The following EFCAB7 variants were observed in gnomAD, a reference collection of about 807,000 sequenced individuals.
EFCAB7 encodes EF-hand calcium-binding domain-containing protein 7.
In EFCAB7, 66 loss-of-function variants were observed where a neutral mutation model predicts 77.1. That is an observed-to-expected ratio of 0.86 (90% confidence interval 0.70 to 1.05). The LOEUF is 1.05. Ranked by LOEUF, EFCAB7 falls within the 50% of genes least tolerant of loss-of-function variation. EFCAB7 has a pLI of 0.00. For missense variants in EFCAB7, 638 were observed against 730.5 expected, an observed-to-expected ratio of 0.87 and a Z score of 1.46; for synonymous variants, 225 against 243.3, an observed-to-expected ratio of 0.92 and a Z score of 0.70.
At chr1:63,540,385 A>T (rs1646814104) in intron 6 of EFCAB7, among the ~76,000 whole-genome samples, 1 of 151,224 alleles carries the variant, frequency 6.6e-6, no homozygotes, top group African/African-American at 2.4e-5. Context: ...AAAAAAAAAA[A>T]AGTTGAACTT....
At chr1:63,572,385 T>A in intron 13 of EFCAB7, 57 bp from the exon 14 acceptor site, 1 of 1,423,776 alleles carries the variant, frequency 7.0e-7, no homozygotes, top group Non-Finnish European at 9.6e-7. Context: ...GTTTAAAAAT[T>A]AGCCAAAAGT....
chr1:63,577,436 C>A (rs190060036), downstream of EFCAB7, among the ~76,000 whole-genome samples: 107 of 152,122 alleles, frequency 7.0e-4, no homozygotes, highest in Admixed American at 5.3e-3. Flanking sequence ...AAAATGAAAT[C>A]GTTCCAGAAT....
At chr1:63,545,490 G>A (rs35958304) in intron 6 of EFCAB7, among the ~76,000 whole-genome samples, 21,140 of 151,990 alleles carry the variant, frequency 0.14, 1,578 homozygotes, top group Middle Eastern at 0.25. Flanking sequence ...TTTTTGAGAC[G>A]GAGTTTCCCT....
intron 7 of EFCAB7, 55 bp downstream of exon 7, chr1:63,546,112 A>T: frequency 6.4e-7 from 1 of 1,561,074 alleles, no homozygotes; most frequent in Non-Finnish European, 8.7e-7. Context: ...CCTCCTTGAA[A>T]GTACTTATGT....
rs1646888297 is a variant in EFCAB7, at chr1:63,545,631, T to C, written c.805-285T>C. On this transcript the variant is annotated intron_variant, in intron 6 of 13. Transcript: ENST00000371088. Reference sequence around the variant, plus strand: ...ACAGGCATGTGCCACCACGCCCGGCTAATTTTGTATTTTTAGTAGAGACAG... The same window carrying C: ...ACAGGCATGTGCCACCACGCCCGGCCAATTTTGTATTTTTAGTAGAGACAG... Among the ~76,000 whole-genome samples the C allele has an allele frequency of 2.0e-5, 3 of 152,170 alleles. 1 individual carries two copies. The South Asian group carries it at 6.2e-4, about 32-fold the overall frequency.
the EFCAB7 span, among the ~76,000 whole-genome samples, chr1:63,580,269 A>AT: frequency 1.6e-4 from 25 of 151,960 alleles, no homozygotes; most frequent in African/African-American, 5.5e-4. Context: ...GTTGAGGTCC[A>AT]TTTTTTTTCA....
chr1:63,526,821 G>A (rs1428666503), intron 2 of EFCAB7, among the ~76,000 whole-genome samples: 2 of 151,864 alleles, frequency 1.3e-5, no homozygotes, highest in Non-Finnish European at 2.9e-5. Flanking sequence ...CTGGAGTGCA[G>A]TGGCGCGATC....
downstream of EFCAB7, among the ~76,000 whole-genome samples, chr1:63,573,241 C>T (rs182321913): frequency 2.9e-4 from 44 of 151,912 alleles, no homozygotes; most frequent in African/African-American, 8.9e-4. Flanking sequence ...TTAGGGGTGG[C>T]GTGGGAACCT....
Position 63,537,163 on chromosome 1 carries a change from C to T in EFCAB7, c.804+2947C>T, listed in dbSNP as rs561536143. Among the ~76,000 whole-genome samples the T allele has an allele frequency of 8.5e-5, 13 of 152,230 alleles. No homozygotes were observed. In the East Asian group the frequency reaches 1.4e-3, roughly 16 times the overall value. ...TGCATTATTATTCTTTTTAAAATCC[C>T]GAATTCTATCCATTTACTTAGGTTC... On this transcript the variant is annotated intron_variant, in intron 6 of 13. Coordinates refer to ENST00000371088, the MANE Select transcript of EFCAB7 (RefSeq NM_032437.4).
Position 63,525,697 on chromosome 1 carries a change from C to CATATAAATATTTAA in EFCAB7, c.125_126insATATAAATATTTAA (p.Leu44LysfsTer6). ...ATATTTTATATGAATTGTAGAGCTG[C>CATATAAATATTTAA]CTACTTAACTGTCTTCAAAAGCAGC... On this transcript the variant is annotated frameshift_variant, in exon 2 of 14. Transcript: ENST00000371088. LOFTEE classifies it high-confidence loss of function. The CATATAAATATTTAA allele has an allele frequency of 6.3e-7, 1 of 1,596,596 alleles. No homozygotes were observed. Among genetic ancestry groups the CATATAAATATTTAA allele is most frequent in the Non-Finnish European group, 8.5e-7 (1 of 1,176,154 alleles).
chr1:63,580,665 G>A, the EFCAB7 span, among the ~76,000 whole-genome samples: 1 of 152,074 alleles, frequency 6.6e-6, no homozygotes, highest in Admixed American at 6.5e-5. Flanking sequence ...TTGATCATTT[G>A]GGGGGAACTG....
intron 6 of EFCAB7, among the ~76,000 whole-genome samples, chr1:63,541,557 C>A (rs1646829003): frequency 6.6e-6 from 1 of 151,468 alleles, no homozygotes; most frequent in Non-Finnish European, 1.5e-5. Flanking sequence ...AATGGTATAC[C>A]AACTCAATGT....
chr1:63,543,971 C>CTTTTTTTTTTTTTT, intron 6 of EFCAB7, among the ~76,000 whole-genome samples: 1 of 131,136 alleles, frequency 7.6e-6, no homozygotes, highest in Non-Finnish European at 1.6e-5. Context: ...TTTCTTTTTT[C>CTTTTTTTTTTTTTT]TTTTTTTTTT....
downstream of EFCAB7, among the ~76,000 whole-genome samples, chr1:63,577,154 C>CT (rs200410131): frequency 1.9e-3 from 283 of 145,162 alleles, no homozygotes; most frequent in Non-Finnish European, 3.4e-3. Context: ...AAAAAGAGTA[C>CT]TTTTTTTTTT....
chr1:63,580,186 G>A, the EFCAB7 span, among the ~76,000 whole-genome samples: 1 of 152,094 alleles, frequency 6.6e-6, no homozygotes, highest in Non-Finnish European at 1.5e-5. Context: ...TCTAAAAGTT[G>A]TATAGTTTTA....
In EFCAB7 at chr1:63,546,038, A is replaced by G; in HGVS notation, c.927A>G (p.Leu309=). 6.2e-7 allele frequency: 1 copy of G among 1,610,712 alleles called. No homozygotes were observed. Residue 309 remains leucine, a synonymous_variant, in exon 7 of 14, where the codon TTA becomes TTG. Transcript: ENST00000371088. ...TGGTTTATCTAACAATTAAGCCATTAAACCTGAGTCAAGTTGAAGGCAAGT... is the reference window on the plus strand; with the variant it reads ...TGGTTTATCTAACAATTAAGCCATTGAACCTGAGTCAAGTTGAAGGCAAGT... The part of the protein sequence containing the change: ...RSMVYLTIKP[L]NLSQVEGKPS...
At chr1:63,537,413 C>G (rs1485506735) in intron 6 of EFCAB7, among the ~76,000 whole-genome samples, 2 of 152,046 alleles carry the variant, frequency 1.3e-5, no homozygotes, top group African/African-American at 4.8e-5. Flanking sequence ...TGTTGTACAA[C>G]CTATATATTA....
intron 6 of EFCAB7, among the ~76,000 whole-genome samples, chr1:63,541,142 C>T (rs1419050220): frequency 1.3e-5 from 2 of 151,978 alleles, no homozygotes; most frequent in African/African-American, 4.8e-5. Context: ...CAGAGAAATT[C>T]AAATTAATGC....
chr1:63,540,379 A>G (rs530620598), intron 6 of EFCAB7, among the ~76,000 whole-genome samples: 75 of 151,596 alleles, frequency 4.9e-4, no homozygotes, highest in South Asian at 1.3e-3. Context: ...AAAAAAAAAA[A>G]AAAAAAAGTT....
Sources: allele counts gnomAD v4.1 joint callset (sites outside exome capture counted in the v4.1 genomes callset), GRCh38; gene constraint gnomAD v4.1.1; transcripts MANE v1.5; gene names NCBI Gene and HGNC (gene_info 2026-07-23, HGNC 2026-07-21).